Variants in CLN6 observed in about 807,000 individuals in gnomAD.
CLN6 encodes the protein ceroid-lipofuscinosis neuronal protein 6.
In CLN6, 22 loss-of-function variants were observed where a neutral mutation model predicts 33.3. The ratio of observed to expected loss-of-function variants is 0.66; its 90% confidence interval spans 0.47 to 0.94. The LOEUF (loss-of-function observed/expected upper bound fraction) is 0.94. Ranked by LOEUF, CLN6 falls within the 40% of genes least tolerant of loss-of-function variation. CLN6 has a pLI of 0.00. For synonymous variants in CLN6, 201 were observed against 174.6 expected, an observed-to-expected ratio of 1.15 and a Z score of -1.19; for missense variants, 387 against 417.1, an observed-to-expected ratio of 0.93 and a Z score of 0.63.
chr15:68,227,518 C>A lies in CLN6; in HGVS notation c.83+1984G>T, dbSNP rs1192383036. Among the ~76,000 whole-genome samples, 1 of 152,156 alleles carries A rather than the reference C, an allele frequency of 6.6e-6. No individual in the cohort carries two copies. Among genetic ancestry groups the A allele is most frequent in the Non-Finnish European group, 1.5e-5 (1 of 68,020 alleles). ...GAGCAGCAATGATACTGGGAATGGG[C>A]TGAAGCCACATTGTGGGGGGCAGAG... is the stretch of plus-strand genomic sequence containing the variant. On this transcript the variant is annotated intron_variant, in intron 1 of 6. Transcript: ENST00000249806. The surrounding 1 kb of genome is among the most constrained non-coding windows in gnomAD (Gnocchi z 4.1).
Position 68,242,885 on chromosome 15 carries a change from C to G in CLN6, c.179+13805G>C, listed in dbSNP as rs1425234197. 6.6e-6 allele frequency among the ~76,000 whole-genome samples: 1 copy of G among 152,220 alleles called. No homozygotes were observed. Among genetic ancestry groups the G allele is most frequent in the Non-Finnish European group, 1.5e-5 (1 of 68,048 alleles). ...AGCTATGCTAAGAGTCAGACCTTAT[C>G]TTCATTTCTGTCTAATGTCCTAAGC... is the stretch of plus-strand genomic sequence containing the variant. On this transcript the variant is annotated intron_variant, in intron 1 of 6. Coordinates refer to the CLN6 transcript ENST00000538696. The surrounding 1 kb of genome is among the most constrained non-coding windows in gnomAD (Gnocchi z 5.0).
At position 68,208,511 on chromosome 15, in the gene CLN6, G is replaced by A. The variant is rs1335624591; in HGVS notation, c.666-101C>T. ...AGCCAGGCTGCCCTCCAGGCAGGCA[G>A]AAGAGTCCTCTGGTGCCAGGGCTCA... On this transcript the variant is annotated intron_variant, in intron 6 of 6. Transcript: ENST00000249806. This position sits in a 1 kb window ranked among gnomAD's most constrained non-coding sequence, Gnocchi z 5.8. 7.5e-7 allele frequency: 1 copy of A among 1,330,256 alleles called. No individual in the cohort carries two copies. The highest frequency in any genetic ancestry group is 1.4e-5 in the African/African-American group (1 of 69,034). The allele number at this position is 1,330,256 out of a possible 1,614,324, so 82.4% of individuals were successfully genotyped here.
Position 68,241,731 on chromosome 15 carries a change from C to T in CLN6, c.179+14959G>A, listed in dbSNP as rs1035931936. On this transcript the variant is annotated intron_variant, in intron 1 of 6. Coordinates refer to the CLN6 transcript ENST00000538696. This position sits in a 1 kb window ranked among gnomAD's most constrained non-coding sequence, Gnocchi z 4.2. ...ACCACACTGTAGCAGCTGCATTCCA[C>T]AGGTCTCCTGGGCACTAATCCCCAG... Among the ~76,000 whole-genome samples the T allele has an allele frequency of 3.9e-5, 6 of 152,182 alleles. No homozygotes were observed. The highest frequency in any genetic ancestry group is 1.4e-4 in the African/African-American group (6 of 41,446).
chr15:68,251,277 C>T (rs932647482), intron 1 of CLN6, among the ~76,000 whole-genome samples: 10 of 151,996 alleles, frequency 6.6e-5, no homozygotes, highest in African/African-American at 2.2e-4. Flanking sequence ...TTAGTAAAGC[C>T]GAAATAAAAT....
At chr15:68,229,747 G>A (rs1378850290), upstream of CLN6, 4 of 339,376 alleles carry the variant, frequency 1.2e-5, no homozygotes, top group East Asian at 5.2e-5. Context: ...GCGGACCCGG[G>A]GCGGGGCGGA....
intron 1 of CLN6, 110 bp from the exon 2 acceptor site, chr15:68,218,760 C>G: frequency 2.6e-6 from 2 of 766,162 alleles, no homozygotes; most frequent in Non-Finnish European, 4.5e-6. Flanking sequence ...GGAGGAGACA[C>G]ACATAATTGA....
intron 1 of CLN6, among the ~76,000 whole-genome samples, chr15:68,240,600 A>G (rs1892271931): frequency 6.6e-6 from 1 of 151,952 alleles, no homozygotes; most frequent in South Asian, 2.1e-4. Flanking sequence ...GACTCTGTCT[A>G]AATAAATAAA....
chr15:68,232,221 G>A (rs1444747194), upstream of CLN6, among the ~76,000 whole-genome samples: 2 of 148,780 alleles, frequency 1.3e-5, no homozygotes, highest in Admixed American at 6.8e-5. This position sits in a 1 kb window ranked among gnomAD's most constrained non-coding sequence, Gnocchi z 4.7. Context: ...GCAATGGCAC[G>A]ATCTCGGCTT....
At position 68,208,542 on chromosome 15, in the gene CLN6, C is replaced by T. The variant is rs1440732951; in HGVS notation, c.666-132G>A. On this transcript the variant is annotated intron_variant, in intron 6 of 6. Coordinates refer to ENST00000249806, the MANE Select transcript of CLN6 (RefSeq NM_017882.3). This position sits in a 1 kb window ranked among gnomAD's most constrained non-coding sequence, Gnocchi z 5.8. ...TCCTCTGGTGCCAGGGCTCAGAGAA[C>T]TATGCCGCTCTAAGCCACAGCCCAT... is the stretch of plus-strand genomic sequence containing the variant. The T allele has an allele frequency of 5.5e-6, 5 of 904,378 alleles. No homozygotes were observed. The highest frequency in any genetic ancestry group is 8.7e-6 in the Non-Finnish European group (5 of 574,120). 56.0% of individuals were successfully genotyped at this position (904,378 alleles called of 1,614,324 possible).
In CLN6 at chr15:68,229,515, A is replaced by G; in HGVS notation, c.70T>C (p.Phe24Leu). ...GCGCGCGCCCACCTGGCCTGCAGGAAGGAGGCGCCCAGCTGCGCGCCTGGG... is the reference window on the plus strand; with the variant it reads ...GCGCGCGCCCACCTGGCCTGCAGGAGGGAGGCGCCCAGCTGCGCGCCTGGG... ...GGPGAQLGAS[F>L]LQARHGSVSA... The change falls in exon 1 of 7, where the codon TTC (phenylalanine) becomes CTC (leucine). Residue 24 changes from phenylalanine (F) to leucine (L), a missense_variant. Phe to Leu is a conservative substitution (Grantham distance 22, BLOSUM62 0). Coordinates refer to ENST00000249806, the MANE Select transcript of CLN6 (RefSeq NM_017882.3). 2.0e-6 allele frequency: 3 copies of G among 1,467,114 alleles called. No homozygotes were observed. Among genetic ancestry groups the G allele is most frequent in the Non-Finnish European group, 2.7e-6 (3 of 1,114,370 alleles). 90.9% of individuals were successfully genotyped at this position (1,467,114 alleles called of 1,614,324 possible).
intron 1 of CLN6, among the ~76,000 whole-genome samples, chr15:68,218,956 T>C (rs2057184455): frequency 6.6e-6 from 1 of 152,158 alleles, no homozygotes; most frequent in Non-Finnish European, 1.5e-5. Context: ...AAGGACGCAA[T>C]CGTGGCTGAA....
In CLN6 at chr15:68,211,798, G is replaced by C. The variant is rs148547876; in HGVS notation, c.363C>G (p.Ile121Met). 15 of 1,613,944 alleles carry C rather than the reference G, an allele frequency of 9.3e-6. No homozygotes were observed. In the South Asian group the frequency reaches 1.6e-4, roughly 18 times the overall value. The change falls in exon 4 of 7, where the codon ATC (isoleucine) becomes ATG (methionine). Residue 121 changes from isoleucine (I) to methionine (M), a missense_variant. Physicochemically the swap from Ile to Met is conservative, Grantham distance 10. Coordinates refer to ENST00000249806, the MANE Select transcript of CLN6 (RefSeq NM_017882.3). The surrounding 1 kb of genome is among the most constrained non-coding windows in gnomAD (Gnocchi z 5.9). ...CCACCAGGTGGATGCTGGCACCCAT[G>C]ATGAAGATGATGATGCTCACGTACG... ...SITYVSIIIF[I>M]MGASIHLVGD...
chr15:68,232,452 A>C (rs2093269821), upstream of CLN6, among the ~76,000 whole-genome samples: 3 of 152,086 alleles, frequency 2.0e-5, no homozygotes, highest in Admixed American at 2.0e-4. This position sits in a 1 kb window ranked among gnomAD's most constrained non-coding sequence, Gnocchi z 4.7. Context: ...CCACTGCACC[A>C]GGCCTGTATC....
At position 68,227,239 on chromosome 15, in the gene CLN6, A is replaced by T. The variant is rs190068137; in HGVS notation, c.83+2263T>A. Among the ~76,000 whole-genome samples, 1 of 151,982 alleles carries T rather than the reference A, an allele frequency of 6.6e-6. No homozygotes were observed. Among genetic ancestry groups the T allele is most frequent in the East Asian group, 1.9e-4 (1 of 5,168 alleles). On this transcript the variant is annotated intron_variant, in intron 1 of 6. Transcript: ENST00000249806. The surrounding 1 kb of genome is among the most constrained non-coding windows in gnomAD (Gnocchi z 4.1). ...TTTTTAGTAGAGACGGGGATTCTCCATGTTGGCCAGGCTGGTCTCGAACTC... is the reference window on the plus strand; with the variant it reads ...TTTTTAGTAGAGACGGGGATTCTCCTTGTTGGCCAGGCTGGTCTCGAACTC...
chr15:68,226,017 A>G (rs559464852), intron 1 of CLN6, among the ~76,000 whole-genome samples: 1 of 149,822 alleles, frequency 6.7e-6, no homozygotes, highest in African/African-American at 2.5e-5. Context: ...AGTTGAGTGT[A>G]GTTTTTAAGA....
rs780463888 is a variant in CLN6, at chr15:68,218,607, A to T, written c.127T>A (p.Phe43Ile). ...SADEAARTAPFHLDLWFYFTL... is the reference protein window; with the variant it reads ...SADEAARTAPIHLDLWFYFTL... ...AAGTAGAACCAGAGGTCGAGGTGGA[A>T]GGGAGCCGTGCGGGCAGCCTCATCA... Residue 43 changes from phenylalanine (F) to isoleucine (I), a missense_variant, in exon 2 of 7, where the codon TTC (phenylalanine) becomes ATC (isoleucine). Phe to Ile is a conservative substitution (Grantham distance 21, BLOSUM62 0). Transcript: ENST00000249806. 1 of 1,613,978 alleles carries T rather than the reference A, an allele frequency of 6.2e-7. No homozygotes were observed. Among genetic ancestry groups the T allele is most frequent in the Non-Finnish European group, 8.5e-7 (1 of 1,179,928 alleles).
Position 68,208,032 on chromosome 15 carries a change from G to GCT in CLN6, c.*106_*107dup. On this transcript the variant is annotated 3_prime_UTR_variant, in exon 7 of 7. Transcript: ENST00000249806. The surrounding 1 kb of genome is among the most constrained non-coding windows in gnomAD (Gnocchi z 5.8). The stretch of plus-strand genomic sequence containing the variant: ...CGCACACGAGGCACACCCCACTCAT[G>GCT]CTCTCGGTCTCTGGTTACACACCCA... 8.2e-7 allele frequency: 1 copy of GCT among 1,224,892 alleles called. No homozygotes were observed. The highest frequency in any genetic ancestry group is 2.5e-5 in the East Asian group (1 of 39,316). 75.9% of individuals were successfully genotyped at this position (1,224,892 alleles called of 1,614,324 possible).
chr15:68,232,413 T>C (rs933713077), upstream of CLN6, among the ~76,000 whole-genome samples: 4 of 152,306 alleles, frequency 2.6e-5, no homozygotes, highest in South Asian at 4.1e-4. The surrounding 1 kb of genome is among the most constrained non-coding windows in gnomAD (Gnocchi z 4.7). Context: ...CGCCTTAGTC[T>C]CTCAAAGTGC....
Position 68,238,433 on chromosome 15 carries a change from T to C in CLN6, c.179+18257A>G, listed in dbSNP as rs184300915. 1.1e-3 allele frequency among the ~76,000 whole-genome samples: 169 copies of C among 151,532 alleles called. 1 individual carries two copies. The highest frequency in any genetic ancestry group is 4.0e-3 in the African/African-American group (164 of 41,344). On this transcript the variant is annotated intron_variant, in intron 1 of 6. Transcript: ENST00000538696. The stretch of plus-strand genomic sequence containing the variant: ...AAAAAGAAAAAGAAAGAAACCCACA[T>C]CTGGACATGGTGTAGAGAAACCACA...
Sources: allele counts gnomAD v4.1 joint callset (sites outside exome capture counted in the v4.1 genomes callset), GRCh38; gene constraint gnomAD v4.1.1; non-coding constraint Gnocchi (gnomAD v3.1); transcripts MANE v1.5; gene names NCBI Gene and HGNC (gene_info 2026-07-23, HGNC 2026-07-21).